LRRC4C: variants seen among roughly 807,000 people sequenced by gnomAD.
LRRC4C encodes leucine-rich repeat-containing protein 4C.
Under a neutral mutation model 33.6 loss-of-function variants are expected in LRRC4C, and 5 were observed. The observed-to-expected ratio is 0.15, with a 90% CI of 0.08 to 0.31. The LOEUF is 0.31. LRRC4C is among the 10% of genes least tolerant of loss of function. LRRC4C has a pLI of 1.00. For synonymous variants in LRRC4C, 329 were observed against 302.0 expected (o/e 1.09, Z -0.93); for missense variants, 560 against 796.7 (o/e 0.70, Z 3.58).
At chr11:40,553,121 A>C (rs1295166658) in intron 3 of LRRC4C, among the ~76,000 whole-genome samples, 1 of 151,986 alleles carries the variant, frequency 6.6e-6, no homozygotes, top group South Asian at 2.1e-4. Context: ...AAATACAAAA[A>C]ATTAGCCCGG....
rs930293489 is a variant in LRRC4C at position 40,557,214 on chromosome 11, C to T, written c.-270+90928G>A. Among the ~76,000 whole-genome samples the T allele has an allele frequency of 5.7e-4, 87 of 151,958 alleles. 1 individual carries two copies. The highest frequency in any genetic ancestry group is 2.1e-3 in the African/African-American group (86 of 41,448). On this transcript the variant is annotated intron_variant, in intron 3 of 6. Transcript: ENST00000528697. ...ATCAATTGCATGAATACAAATTACA[C>T]TCATGTCCAAGCAGAAGAATAATGC...
At chr11:41,228,354 T>C (rs1266168620) in intron 1 of LRRC4C, among the ~76,000 whole-genome samples, 5 of 152,118 alleles carry the variant, frequency 3.3e-5, no homozygotes, top group African/African-American at 1.2e-4. Flanking sequence ...CCCATTTGGA[T>C]TCATCCTTGA....
intron 6 of LRRC4C, among the ~76,000 whole-genome samples, chr11:40,136,568 G>C (rs991053128): frequency 6.6e-6 from 1 of 151,734 alleles, no homozygotes; most frequent in Non-Finnish European, 1.5e-5. Context: ...GAGCCACCAC[G>C]CCCGGCCCAT....
At position 41,100,806 on chromosome 11, in the gene LRRC4C, A is replaced by C. The variant is rs1394695494; in HGVS notation, c.-495-167083T>G. Among the ~76,000 whole-genome samples, 4 of 152,146 alleles carry C rather than the reference A, an allele frequency of 2.6e-5. No individual in the cohort carries two copies. In the East Asian group the frequency reaches 7.7e-4, roughly 29 times the overall value. On this transcript the variant is annotated intron_variant, in intron 1 of 6. Coordinates refer to ENST00000528697, the MANE Select transcript of LRRC4C (RefSeq NM_001258419.2). Reference sequence around the variant, plus strand: ...ACTTTAAACTACACTACAGGGCTGCAGTAACCAAAACAGCATGGTACTGGC... The same window carrying C: ...ACTTTAAACTACACTACAGGGCTGCCGTAACCAAAACAGCATGGTACTGGC...
intron 3 of LRRC4C, among the ~76,000 whole-genome samples, chr11:40,495,304 G>T (rs2138558657): frequency 6.6e-6 from 1 of 152,094 alleles, no homozygotes; most frequent in South Asian, 2.1e-4. Context: ...CCCCCCGCCA[G>T]AAAAAAATTA....
chr11:40,695,653 A>T (rs912560156), intron 2 of LRRC4C, among the ~76,000 whole-genome samples: 1 of 152,064 alleles, frequency 6.6e-6, no homozygotes, highest in Non-Finnish European at 1.5e-5. Flanking sequence ...GTAGGGGAGA[A>T]TCAATTTCCT....
intron 1 of LRRC4C, among the ~76,000 whole-genome samples, chr11:41,273,192 T>C (rs1221155362): frequency 1.3e-5 from 2 of 152,124 alleles, no homozygotes; most frequent in African/African-American, 4.8e-5. Context: ...ACACTACTGA[T>C]GGGAATGTAG....
intron 3 of LRRC4C, among the ~76,000 whole-genome samples, chr11:40,406,340 T>G (rs1403336350): frequency 1.3e-5 from 2 of 152,180 alleles, no homozygotes; most frequent in Non-Finnish European, 2.9e-5. Flanking sequence ...CCCTCCCATG[T>G]GTGACTATTA....
At chr11:40,552,275 C>G (rs947031222) in intron 3 of LRRC4C, among the ~76,000 whole-genome samples, 1 of 152,124 alleles carries the variant, frequency 6.6e-6, no homozygotes, top group Non-Finnish European at 1.5e-5. Context: ...TTAAAGTGAT[C>G]TTTTTGAGGG....
intron 5 of LRRC4C, among the ~76,000 whole-genome samples, chr11:40,146,859 T>C (rs575548130): frequency 1.3e-5 from 2 of 152,174 alleles, no homozygotes; most frequent in East Asian, 1.9e-4. Context: ...ATCTAGATAC[T>C]GTGGGAACTC....
chr11:40,817,224 G>A (rs1365121797), intron 2 of LRRC4C, among the ~76,000 whole-genome samples: 1 of 152,102 alleles, frequency 6.6e-6, no homozygotes, highest in African/African-American at 2.4e-5. Context: ...AGAAATACAG[G>A]TGACAGCTAT....
chr11:40,560,065 T>C (rs977469327), intron 3 of LRRC4C, among the ~76,000 whole-genome samples: 4 of 152,186 alleles, frequency 2.6e-5, no homozygotes, highest in African/African-American at 7.2e-5. Context: ...TATTTTAAGA[T>C]CTTTCCTCTA....
chr11:41,259,641 A>C (rs1472484611), intron 1 of LRRC4C, among the ~76,000 whole-genome samples: 1 of 152,010 alleles, frequency 6.6e-6, no homozygotes, highest in East Asian at 1.9e-4. Flanking sequence ...GGACCTAATC[A>C]TGTCTGATTT....
At chr11:40,117,994 T>C (rs184863806) in intron 6 of LRRC4C, among the ~76,000 whole-genome samples, 499 of 149,642 alleles carry the variant, frequency 3.3e-3, no homozygotes, top group Non-Finnish European at 5.8e-3. Flanking sequence ...TTATTTCATA[T>C]TAAAAATATT....
intron 3 of LRRC4C, among the ~76,000 whole-genome samples, chr11:40,570,116 C>A (rs989157213): frequency 2.0e-5 from 3 of 151,762 alleles, no homozygotes; most frequent in Middle Eastern, 3.4e-3. Context: ...ATAAATAAAT[C>A]TATTCACATA....
At chr11:41,369,124 G>GA (rs915624616) in intron 1 of LRRC4C, among the ~76,000 whole-genome samples, 4 of 151,668 alleles carry the variant, frequency 2.6e-5, no homozygotes, top group Non-Finnish European at 2.9e-5. Flanking sequence ...CTAAGTGCTG[G>GA]AAAAAAAACA....
intron 1 of LRRC4C, among the ~76,000 whole-genome samples, chr11:41,026,919 C>A (rs1175311304): frequency 1.3e-5 from 2 of 151,628 alleles, no homozygotes; most frequent in Non-Finnish European, 3.0e-5. Context: ...CCAAAAATTT[C>A]TTTTGCAACT....
intron 5 of LRRC4C, among the ~76,000 whole-genome samples, chr11:40,170,441 A>T (rs2135426927): frequency 6.6e-6 from 1 of 152,326 alleles, no homozygotes; most frequent in Non-Finnish European, 1.5e-5. Context: ...TGAAAGTAAG[A>T]TACTCACTGC....
intron 5 of LRRC4C, among the ~76,000 whole-genome samples, chr11:40,227,948 A>G (rs1220067148): frequency 6.6e-6 from 1 of 152,206 alleles, no homozygotes; most frequent in African/African-American, 2.4e-5. Context: ...CATAAACCAG[A>G]GAGCAATCTG....
Sources: gnomAD v4.1 joint callset for allele counts (sites outside exome capture counted in the v4.1 genomes callset) on GRCh38, gnomAD v4.1.1 for gene constraint, MANE v1.5 for transcripts, NCBI Gene and HGNC (gene_info 2026-07-23, HGNC 2026-07-21) for gene names.